The following HLA-DQA1 variants were observed in gnomAD, a reference collection of about 807,000 sequenced individuals.
The protein encoded by HLA-DQA1 is major histocompatibility complex, class II, DQ alpha 1.
In HLA-DQA1, 10 loss-of-function variants were observed where a neutral mutation model predicts 20.7. The ratio of observed to expected loss-of-function variants is 0.48; its 90% CI spans 0.30 to 0.82. The LOEUF (loss-of-function observed/expected upper bound fraction) is 0.82, where lower values mean the gene tolerates loss of function less well. HLA-DQA1 is among the 40% of genes least tolerant of loss of function. The pLI, the probability that HLA-DQA1 is intolerant of heterozygous loss-of-function variation, is 0.07. For missense variants in HLA-DQA1, 127 were observed against 293.0 expected (o/e 0.43, Z 4.14); for synonymous variants, 39 against 109.2 (o/e 0.36, Z 4.01).
the HLA-DQA1 span, among the ~76,000 whole-genome samples, chr6:32,653,059 A>T: frequency 0.52 from 62,951 of 120,470 alleles, 17,668 homozygotes; most frequent in Middle Eastern, 0.63. Context: ...CCGATGAGGC[A>T]GGTTTCATCA....
At chr6:32,645,168 T>G (rs1342928681), downstream of HLA-DQA1, 1 of 151,486 alleles carries the variant, frequency 6.6e-6, no homozygotes, top group African/African-American at 2.4e-5. Context: ...GATGTGCCAA[T>G]GTAAGTTCAT....
chr6:32,643,736 A>T (rs9273002), downstream of HLA-DQA1: 2 of 121,570 alleles, frequency 1.6e-5, no homozygotes, highest in African/African-American at 6.3e-5. Flanking sequence ...TTCCCTTGTC[A>T]CCTTGAGATA....
chr6:32,641,768 C>T lies in HLA-DQA1; in HGVS notation c.332-204C>T, dbSNP rs34965214. Among the ~76,000 whole-genome samples, 953 of 114,358 alleles carry T rather than the reference C, an allele frequency of 8.3e-3. 1 individual carries two copies. Among genetic ancestry groups the T allele is most frequent in the East Asian group, 0.019 (60 of 3,232 alleles). The allele number at this position is 114,358 out of a possible 152,430, so 75.0% of individuals were successfully genotyped here. On this transcript the variant is annotated intron_variant, in intron 2 of 4. Coordinates refer to ENST00000343139, the MANE Select transcript of HLA-DQA1 (RefSeq NM_002122.5). ...CTTCTAGGAGAGGTCTCATCAACCT[C>T]CTACTTTATTAAACATGCCCACAGA...
At chr6:32,648,828 G>C (rs1397352844), downstream of HLA-DQA1, among the ~76,000 whole-genome samples, 12 of 96,934 alleles carry the variant, frequency 1.2e-4, 3 homozygotes, top group African/African-American at 4.3e-4. Context: ...ATTAGGAAAA[G>C]AGGAAGTCAA....
the HLA-DQA1 span, among the ~76,000 whole-genome samples, chr6:32,652,828 TA>T: frequency 0.4 from 59,197 of 147,466 alleles, 12,413 homozygotes; most frequent in Middle Eastern, 0.57. Context: ...ATTACATTTG[TA>T]ACCAAAAGAA....
chr6:32,640,387 T>C, intron 1 of HLA-DQA1, among the ~76,000 whole-genome samples: 1 of 93,050 alleles, frequency 1.1e-5, no homozygotes, highest in African/African-American at 3.8e-5. Flanking sequence ...GTAAAAGGCT[T>C]ACACATGTCT....
At chr6:32,653,837 T>TTTTTTACAACATGGATGAA in the HLA-DQA1 span, among the ~76,000 whole-genome samples, 12 of 93,996 alleles carry the variant, frequency 1.3e-4, no homozygotes, top group Non-Finnish European at 1.9e-4. Flanking sequence ...ATCTTTTACA[T>TTTTTTACAACATGGATGAA]CATTATGTTA....
intron 1 of HLA-DQA1, 37 bp from the exon 2 acceptor site, chr6:32,641,273 G>A: frequency 8.2e-7 from 1 of 1,215,216 alleles, no homozygotes; most frequent in South Asian, 1.2e-5. Context: ...TTCTTCCCCT[G>A]TTCTCCGCCT....
chr6:32,654,221 C>T, the HLA-DQA1 span, among the ~76,000 whole-genome samples: 3,937 of 77,596 alleles, frequency 0.051, 1,012 homozygotes, highest in Middle Eastern at 0.1. Flanking sequence ...GGAGGATGGA[C>T]TGAGCCCAGG....
chr6:32,645,180 A>C (rs1781813546), downstream of HLA-DQA1: 1 of 151,650 alleles, frequency 6.6e-6, no homozygotes, highest in Non-Finnish European at 1.5e-5. Flanking sequence ...TAAGTTCATA[A>C]ATTATAGCAA....
downstream of HLA-DQA1, among the ~76,000 whole-genome samples, chr6:32,651,600 A>AAAAAAAAAAAAAAAAAAAAAC (rs1434610362): frequency 1.2e-5 from 1 of 85,966 alleles, no homozygotes; most frequent in South Asian, 3.7e-4. Context: ...AAAAAAAAAA[A>AAAAAAAAAAAAAAAAAAAAAC]AAAAAGACAA....
At position 32,641,736 on chromosome 6, in the gene HLA-DQA1, G is replaced by T. The variant is rs9272725; in HGVS notation, c.331+178G>T. On this transcript the variant is annotated intron_variant, in intron 2 of 4. Transcript: ENST00000343139. ...CAAGGGTCTTTCCATTATGCATTCA[G>T]CAAATCCTTCTAGGAGAGGTCTCAT... Among the ~76,000 whole-genome samples, 30,122 of 89,368 alleles carry T rather than the reference G, an allele frequency of 0.34. 6,728 individuals are homozygous for T. The highest frequency in any genetic ancestry group is 0.51 in the Middle Eastern group (85 of 166). 58.6% of individuals were successfully genotyped at this position (89,368 alleles called of 152,430 possible).
the HLA-DQA1 span, among the ~76,000 whole-genome samples, chr6:32,652,534 T>C: frequency 0.57 from 84,167 of 148,924 alleles, 24,165 homozygotes; most frequent in Middle Eastern, 0.7. Context: ...AAGCAAAGAA[T>C]GTCTGATACA....
chr6:32,640,984 A>C (rs28383425), intron 1 of HLA-DQA1, among the ~76,000 whole-genome samples: 8,144 of 92,294 alleles, frequency 0.088, 878 homozygotes, highest in East Asian at 0.18. Context: ...GCTAAATACT[A>C]TGATAACTCA....
downstream of HLA-DQA1, among the ~76,000 whole-genome samples, chr6:32,648,569 A>T (rs1219908983): frequency 2.1e-5 from 2 of 97,262 alleles, 1 homozygote; most frequent in Non-Finnish European, 4.6e-5. Flanking sequence ...AGGACTTCGA[A>T]AAAATTCAAC....
At chr6:32,646,963 A>G (rs1024128938), downstream of HLA-DQA1, 9 of 146,842 alleles carry the variant, frequency 6.1e-5, 2 homozygotes, top group Non-Finnish European at 9.0e-5. Context: ...CACCGACTGT[A>G]TTAAGGAATT....
chr6:32,637,474 G>C lies in HLA-DQA1; in HGVS notation c.16G>C (p.Ala6Pro). The change falls in exon 1 of 5, where the codon GCT becomes CCT. Residue 6 changes from alanine (A) to proline (P), a missense_variant. Physicochemically the swap from Ala to Pro is conservative, Grantham distance 27 (BLOSUM62 -1). This residue lies in a region of HLA-DQA1 where 36 missense variants were observed against 44.8 expected (regional missense o/e 0.80). Coordinates refer to ENST00000343139, the MANE Select transcript of HLA-DQA1 (RefSeq NM_002122.5). MILNKALLLGALALTT... is the reference protein window; with the variant it reads MILNKPLLLGALALTT... Reference sequence around the variant, plus strand: ...TGGGAAGAGGATGATCCTAAACAAAGCTCTGCTGCTGGGGGCCCTCGCTCT... The same window carrying C: ...TGGGAAGAGGATGATCCTAAACAAACCTCTGCTGCTGGGGGCCCTCGCTCT... 1 of 1,176,052 alleles carries C rather than the reference G, an allele frequency of 8.5e-7. No homozygotes were observed. The allele number at this position is 1,176,052 out of a possible 1,614,324, so 72.9% of individuals were successfully genotyped here.
intron 1 of HLA-DQA1, among the ~76,000 whole-genome samples, chr6:32,637,906 T>G (rs1781005658): frequency 8.8e-6 from 1 of 114,162 alleles, no homozygotes; most frequent in African/African-American, 3.2e-5. Context: ...TGAACAACTT[T>G]TGAAGCTTTT....
At chr6:32,650,863 AT>A (rs1782152120), downstream of HLA-DQA1, among the ~76,000 whole-genome samples, 2 of 22,812 alleles carry the variant, frequency 8.8e-5, no homozygotes, top group African/African-American at 1.3e-4. Context: ...AATAATAATA[AT>A]AATAATAATA....
Sources: allele counts gnomAD v4.1 joint callset (sites outside exome capture counted in the v4.1 genomes callset), GRCh38; gene constraint gnomAD v4.1.1; regional missense constraint gnomAD v4.1.1; transcripts MANE v1.5; gene names NCBI Gene and HGNC (gene_info 2026-07-23, HGNC 2026-07-21).